DISC1: variants seen among roughly 807,000 people sequenced by gnomAD.
The protein encoded by DISC1 is disrupted in schizophrenia 1 protein.
DISC1 carries 57 observed loss-of-function variants against 84.5 expected under a neutral mutation model. The observed-to-expected ratio is 0.67, with a 90% confidence interval of 0.55 to 0.84. The LOEUF is 0.84. Among genes scored for constraint, DISC1 ranks in the 40% least tolerant of loss-of-function variants. DISC1 has a pLI of 0.00. For missense variants in DISC1, 1,000 were observed against 1,057.8 expected, an observed-to-expected ratio of 0.95 and a Z score of 0.76; for synonymous variants, 411 against 415.2, an observed-to-expected ratio of 0.99 and a Z score of 0.12.
chr1:231,718,225 C>T (rs2069048358), intron 3 of DISC1, among the ~76,000 whole-genome samples: 2 of 152,140 alleles, frequency 1.3e-5, no homozygotes, highest in South Asian at 4.1e-4. Context: ...TCCTTCAATC[C>T]CTTTCCAATC....
intron 3 of DISC1, chr1:231,722,541 G>A (rs1301508799): frequency 3.7e-6 from 6 of 1,614,092 alleles, no homozygotes; most frequent in Non-Finnish European, 4.2e-6. Context: ...CTTGGCAGCT[G>A]GAACCAATTG....
intron 10 of DISC1, among the ~76,000 whole-genome samples, chr1:231,994,184 G>A (rs1417863): frequency 0.046 from 7,040 of 152,340 alleles, 226 homozygotes; most frequent in Non-Finnish European, 0.069. Context: ...GCACGGGCCT[G>A]CACCAGGGCT....
At position 231,954,748 on chromosome 1, in the gene DISC1, G is replaced by A. The variant is rs1001530995; in HGVS notation, c.1982-4080G>A. Among the ~76,000 whole-genome samples the A allele has an allele frequency of 2.9e-4, 44 of 152,334 alleles. No homozygotes were observed. The highest frequency in any genetic ancestry group is 8.9e-4 in the African/African-American group (37 of 41,568). ...AAGGTGAGCTCTATTCTCCGTCAGC[G>A]TGTCTGTGGCTGTATTGATTCGGAA... is the stretch of plus-strand genomic sequence containing the variant. On this transcript the variant is annotated intron_variant, in intron 9 of 12. Coordinates refer to ENST00000439617, the MANE Select transcript of DISC1 (RefSeq NM_018662.3). This position sits in a 1 kb window ranked among gnomAD's most constrained non-coding sequence, Gnocchi z 4.8.
At chr1:231,747,497 A>G (rs1429859840) in intron 3 of DISC1, among the ~76,000 whole-genome samples, 1 of 152,166 alleles carries the variant, frequency 6.6e-6, no homozygotes, top group Non-Finnish European at 1.5e-5. Context: ...TCCCAACACC[A>G]TTTATTGAAG....
intron 9 of DISC1, among the ~76,000 whole-genome samples, chr1:231,825,745 A>G (rs143641948): frequency 2.0e-5 from 3 of 151,958 alleles, no homozygotes; most frequent in African/African-American, 7.2e-5. Flanking sequence ...CTAATGCTTT[A>G]TGTTTTAGTA....
chr1:231,771,196 C>A, intron 6 of DISC1, 126 bp downstream of exon 6: 1 of 1,454,304 alleles, frequency 6.9e-7, no homozygotes, highest in Non-Finnish European at 9.1e-7. Flanking sequence ...AGTGGAAGCA[C>A]CATTGGTGTT....
chr1:231,958,085 C>T (rs1197212171), intron 9 of DISC1, among the ~76,000 whole-genome samples: 1 of 152,218 alleles, frequency 6.6e-6, no homozygotes, highest in East Asian at 1.9e-4. Context: ...CCCTTGGCTG[C>T]AGGTGTTCTT....
At chr1:231,781,204 A>G (rs1439360432) in intron 6 of DISC1, among the ~76,000 whole-genome samples, 3 of 137,472 alleles carry the variant, frequency 2.2e-5, no homozygotes, top group Non-Finnish European at 4.8e-5. Flanking sequence ...AAAAAAAAAA[A>G]GACTTTATTT....
At chr1:231,878,658 A>G (rs2086066810) in intron 9 of DISC1, among the ~76,000 whole-genome samples, 1 of 152,108 alleles carries the variant, frequency 6.6e-6, no homozygotes, top group African/African-American at 2.4e-5. Flanking sequence ...GGAGTGTAAT[A>G]TGCATGCAAG....
At chr1:231,940,934 T>C (rs1396318824) in intron 9 of DISC1, 1 of 152,226 alleles carries the variant, frequency 6.6e-6, no homozygotes, top group Non-Finnish European at 1.5e-5. Context: ...CCAGCTGACA[T>C]GTTCCTCCGG....
intron 10 of DISC1, among the ~76,000 whole-genome samples, chr1:232,001,711 C>G (rs1299905625): frequency 6.6e-6 from 1 of 152,008 alleles, no homozygotes; most frequent in Admixed American, 6.6e-5. Flanking sequence ...CAAACTAAGT[C>G]TCATACTTCA....
intron 1 of DISC1, among the ~76,000 whole-genome samples, chr1:231,633,782 TAA>T (rs1211245507): frequency 1.3e-5 from 2 of 152,168 alleles, no homozygotes; most frequent in Non-Finnish European, 2.9e-5. Context: ...GTGAAATATC[TAA>T]AGTTTAATGA....
In DISC1 at chr1:231,863,367, AC is replaced by A. The variant is rs531571001; in HGVS notation, c.1981+44851del. ...CACCTCAGCCTCCACAGTTGCTGGG[AC>A]TGCAGGTACCCGCCACCATGCCTGG... On this transcript the variant is annotated intron_variant, in intron 9 of 12. Transcript: ENST00000439617. Among the ~76,000 whole-genome samples, 174 of 150,614 alleles carry A rather than the reference AC, an allele frequency of 1.2e-3. 1 individual carries two copies. The South Asian group carries it at 0.015, about 13-fold the overall frequency.
chr1:231,825,753 G>A (rs1013493578), intron 9 of DISC1, among the ~76,000 whole-genome samples: 1 of 151,544 alleles, frequency 6.6e-6, no homozygotes, highest in African/African-American at 2.4e-5. Context: ...TTATGTTTTA[G>A]TATCATTCCT....
chr1:231,803,878 C>T (rs1055851414), intron 8 of DISC1, among the ~76,000 whole-genome samples: 11 of 127,376 alleles, frequency 8.6e-5, no homozygotes, highest in East Asian at 5.3e-4. Flanking sequence ...AACCGGGAGG[C>T]GGAGCTTGCG....
chr1:231,921,997 A>G (rs554836900), intron 9 of DISC1, among the ~76,000 whole-genome samples: 4 of 152,070 alleles, frequency 2.6e-5, no homozygotes, highest in African/African-American at 7.2e-5. Flanking sequence ...TGCTTTTTCT[A>G]TCACTCAGAG....
intron 1 of DISC1, among the ~76,000 whole-genome samples, chr1:231,674,529 T>G (rs2062951871): frequency 3.3e-5 from 5 of 152,224 alleles, no homozygotes; most frequent in Admixed American, 2.6e-4. Flanking sequence ...AAAGAAAATA[T>G]GAAGTGCAGA....
chr1:231,899,604 C>G (rs994992018), intron 9 of DISC1, among the ~76,000 whole-genome samples: 1 of 152,162 alleles, frequency 6.6e-6, no homozygotes, highest in Non-Finnish European at 1.5e-5. Flanking sequence ...GCTTTGCTCC[C>G]TTCCCGATCA....
chr1:231,849,097 C>A lies in DISC1; in HGVS notation c.1981+30580C>A, dbSNP rs561010611. ...TGTTACGTTTACTTATCACAACAAT[C>A]CTGCAAGGTGGAATTATTATCCTCA... is the stretch of plus-strand genomic sequence containing the variant. On this transcript the variant is annotated intron_variant, in intron 9 of 12. Coordinates refer to ENST00000439617, the MANE Select transcript of DISC1 (RefSeq NM_018662.3). Among the ~76,000 whole-genome samples the A allele has an allele frequency of 6.0e-5, 9 of 150,292 alleles. No individual in the cohort carries two copies. The South Asian group carries it at 1.9e-3, about 32-fold the overall frequency.
Sources: allele counts gnomAD v4.1 joint callset (sites outside exome capture counted in the v4.1 genomes callset), GRCh38; gene constraint gnomAD v4.1.1; non-coding constraint Gnocchi (gnomAD v3.1); transcripts MANE v1.5; gene names NCBI Gene and HGNC (gene_info 2026-07-23, HGNC 2026-07-21).